PSMA1: variants seen among roughly 807,000 people sequenced by gnomAD.
PSMA1 encodes proteasome subunit alpha type-1.
A neutral mutation model predicts 38.4 loss-of-function variants in PSMA1; 3 were observed. That is an observed-to-expected ratio of 0.08 (90% confidence interval 0.04 to 0.20). PSMA1 has a LOEUF of 0.20. Ranked by LOEUF, PSMA1 falls within the 10% of genes least tolerant of loss-of-function variation. PSMA1 has a pLI of 1.00. For synonymous variants in PSMA1, 101 were observed against 107.1 expected, an observed-to-expected ratio of 0.94 and a Z score of 0.35; for missense variants, 227 against 325.3, an observed-to-expected ratio of 0.70 and a Z score of 2.32.
At chr11:14,616,156 C>T (rs1489111694) in intron 1 of PSMA1, among the ~76,000 whole-genome samples, 1 of 151,554 alleles carries the variant, frequency 6.6e-6, no homozygotes, top group African/African-American at 2.4e-5. Flanking sequence ...AACAAAAGGG[C>T]AACGACTGTA....
chr11:14,533,025 A>C (rs892192972), intron 2 of PSMA1, among the ~76,000 whole-genome samples: 2 of 152,352 alleles, frequency 1.3e-5, no homozygotes, highest in Admixed American at 6.5e-5. Flanking sequence ...AGAAGGGAGA[A>C]TATCCTGAGA....
chr11:14,639,972 T>A lies in PSMA1; in HGVS notation c.-166+3483A>T, dbSNP rs530912223. On this transcript the variant is annotated intron_variant, in intron 1 of 10. Transcript: ENST00000418988. ...CTGTTACAACGGGCTGTAATAGTCT[T>A]CTTACTGTCTTGCTTTCATTAGACT... 1.3e-3 allele frequency among the ~76,000 whole-genome samples: 193 copies of A among 152,302 alleles called. 1 individual carries two copies. Among genetic ancestry groups the A allele is most frequent in the African/African-American group, 4.3e-3 (177 of 41,582 alleles).
chr11:14,528,877 G>T (rs189174267), intron 2 of PSMA1, among the ~76,000 whole-genome samples: 137 of 151,930 alleles, frequency 9.0e-4, no homozygotes, highest in African/African-American at 3.1e-3. Context: ...TCCACCCCCT[G>T]CCCCTAAAAC....
intron 2 of PSMA1, among the ~76,000 whole-genome samples, chr11:14,583,324 T>C (rs1272016590): frequency 2.0e-5 from 3 of 152,232 alleles, no homozygotes; most frequent in African/African-American, 7.2e-5. Flanking sequence ...TAAATTCCAT[T>C]GACGTCAGGC....
At chr11:14,507,590 G>A in intron 9 of PSMA1, 66 bp downstream of exon 9, 2 of 1,108,234 alleles carry the variant, frequency 1.8e-6, no homozygotes, top group Non-Finnish European at 2.7e-6. Context: ...AAAATTTACA[G>A]ACACAGTTGT....
rs765040764 is a variant in PSMA1 at position 14,584,500 on chromosome 11, G to GTT, written c.21+26464_21+26465dup. Reference sequence around the variant, plus strand: ...TAATATGGTTTGGAGTGTTTTTTTTGTTTTTTGTTTTTTTTTTTTTTTTTT... The same window carrying GTT: ...TAATATGGTTTGGAGTGTTTTTTTTGTTTTTTTTGTTTTTTTTTTTTTTTTTT... On this transcript the variant is annotated intron_variant, in intron 2 of 10. Coordinates refer to the PSMA1 transcript ENST00000418988. Among the ~76,000 whole-genome samples, 197 of 133,618 alleles carry GTT rather than the reference G, an allele frequency of 1.5e-3. 6 individuals are homozygous for GTT. Among genetic ancestry groups the GTT allele is most frequent in the African/African-American group, 3.0e-3 (102 of 33,816 alleles). 87.7% of individuals were successfully genotyped at this position (133,618 alleles called of 152,430 possible).
intron 1 of PSMA1, among the ~76,000 whole-genome samples, chr11:14,631,254 T>C (rs1189090592): frequency 1.3e-5 from 2 of 152,232 alleles, no homozygotes; most frequent in African/African-American, 2.4e-5. Flanking sequence ...TTAATTGTGA[T>C]GTTAGTGTGT....
At chr11:14,506,633 G>GC (rs2134140127) in intron 9 of PSMA1, among the ~76,000 whole-genome samples, 1 of 152,258 alleles carries the variant, frequency 6.6e-6, no homozygotes, top group Admixed American at 6.5e-5. Flanking sequence ...TTTATGAAGA[G>GC]CCATCTTAGT....
At chr11:14,529,970 T>C (rs557528272) in intron 2 of PSMA1, among the ~76,000 whole-genome samples, 4 of 152,352 alleles carry the variant, frequency 2.6e-5, no homozygotes, top group Non-Finnish European at 5.9e-5. Context: ...TCCACTAGAA[T>C]GTTAGCTCCA....
chr11:14,562,035 A>G (rs1269264577), intron 2 of PSMA1, among the ~76,000 whole-genome samples: 3 of 152,138 alleles, frequency 2.0e-5, no homozygotes, highest in Non-Finnish European at 4.4e-5. Context: ...AGCTAGGAAA[A>G]CCAAAGATTC....
At chr11:14,571,605 C>T (rs565130743) in intron 2 of PSMA1, among the ~76,000 whole-genome samples, 1 of 152,286 alleles carries the variant, frequency 6.6e-6, no homozygotes, top group African/African-American at 2.4e-5. Flanking sequence ...ACTGCATCAA[C>T]TAACGAGCAA....
intron 2 of PSMA1, among the ~76,000 whole-genome samples, chr11:14,594,324 G>A (rs1054945212): frequency 1.3e-5 from 2 of 152,118 alleles, no homozygotes; most frequent in African/African-American, 2.4e-5. Flanking sequence ...TGAGCATTTG[G>A]AAGGAGCACT....
At chr11:14,582,869 A>C (rs2134184244) in intron 2 of PSMA1, among the ~76,000 whole-genome samples, 1 of 152,248 alleles carries the variant, frequency 6.6e-6, no homozygotes, top group Non-Finnish European at 1.5e-5. Context: ...ATTTTAAAGA[A>C]TGGGCAACTG....
chr11:14,632,810 G>C (rs1163417547), intron 1 of PSMA1, among the ~76,000 whole-genome samples: 1 of 151,884 alleles, frequency 6.6e-6, no homozygotes, highest in Non-Finnish European at 1.5e-5. Flanking sequence ...ACACCAATCA[G>C]ACGTAGATTT....
intron 1 of PSMA1, among the ~76,000 whole-genome samples, chr11:14,616,950 T>C (rs1852781126): frequency 6.6e-6 from 1 of 152,178 alleles, no homozygotes; most frequent in African/African-American, 2.4e-5. Context: ...TTTGTATCTA[T>C]GAACAAAAGG....
chr11:14,514,554 T>C, intron 4 of PSMA1, 63 bp from the exon 5 acceptor site: 1 of 1,235,020 alleles, frequency 8.1e-7, no homozygotes, highest in Non-Finnish European at 1.1e-6. Context: ...CAATCTAAAT[T>C]GTTTGATTTC....
chr11:14,515,417 G>T (rs550893466), intron 4 of PSMA1, among the ~76,000 whole-genome samples: 1 of 152,192 alleles, frequency 6.6e-6, no homozygotes, highest in Non-Finnish European at 1.5e-5. Flanking sequence ...TGTTGGCATG[G>T]CAATATTTTA....
intron 2 of PSMA1, among the ~76,000 whole-genome samples, chr11:14,606,188 A>G (rs1852640508): frequency 6.6e-6 from 1 of 152,218 alleles, no homozygotes; most frequent in Non-Finnish European, 1.5e-5. Context: ...AGATGGCTAT[A>G]AGCGTGCAGC....
intron 8 of PSMA1, among the ~76,000 whole-genome samples, chr11:14,508,547 TCAC>T (rs1450083154): frequency 2.6e-5 from 1 of 38,146 alleles, no homozygotes; most frequent in Non-Finnish European, 5.3e-5. Flanking sequence ...CCTCTTCCAG[TCAC>T]CACTCCATCT....
Sources: gnomAD v4.1 joint callset for allele counts (sites outside exome capture counted in the v4.1 genomes callset) on GRCh38, gnomAD v4.1.1 for gene constraint, MANE v1.5 for transcripts, NCBI Gene and HGNC (gene_info 2026-07-23, HGNC 2026-07-21) for gene names.